The following MIIP variants were observed in gnomAD, a reference collection of about 807,000 sequenced individuals.
The protein encoded by MIIP is migration and invasion inhibitory protein.
MIIP carries 44 observed loss-of-function variants against 44.8 expected under a neutral mutation model. That is an observed-to-expected ratio of 0.98 (90% CI 0.77 to 1.26). The LOEUF is 1.26. MIIP is among the 50% of genes most tolerant of loss of function. The pLI, the probability that MIIP is intolerant of heterozygous loss-of-function variation, is 0.00. For synonymous variants in MIIP, 225 were observed against 218.3 expected (o/e 1.03, Z -0.27); for missense variants, 496 against 511.7 (o/e 0.97, Z 0.30).
intron 9 of MIIP, 109 bp downstream of exon 9, chr1:12,031,512 G>C: frequency 3.8e-6 from 6 of 1,560,162 alleles, no homozygotes; most frequent in Non-Finnish European, 5.2e-6. Context: ...GAGGTGGGGA[G>C]GATGGAGCCT....
rs1420891841 is a variant in MIIP at position 12,031,831 on chromosome 1, A to T, written c.*23A>T. On this transcript the variant is annotated 3_prime_UTR_variant, in exon 10 of 10. Transcript: ENST00000235332. Reference sequence around the variant, plus strand: ...TGAGGACTGACTCCTGGGGGAGAACAGCATTCCCGCCGCCTCCAGCCTCTC... The same window carrying T: ...TGAGGACTGACTCCTGGGGGAGAACTGCATTCCCGCCGCCTCCAGCCTCTC... 1 of 1,607,146 alleles carries T rather than the reference A, an allele frequency of 6.2e-7. No individual in the cohort carries two copies. Among genetic ancestry groups the T allele is most frequent in the Non-Finnish European group, 8.5e-7 (1 of 1,174,620 alleles).
chr1:12,027,586 C>G (rs891703424), intron 4 of MIIP, among the ~76,000 whole-genome samples: 1 of 152,146 alleles, frequency 6.6e-6, no homozygotes, highest in Non-Finnish European at 1.5e-5. Flanking sequence ...ACCCCTAGGC[C>G]TGGGACTCGG....
Position 12,029,127 on chromosome 1 carries a change from C to A in MIIP, c.642C>A (p.Ile214=). The A allele has an allele frequency of 6.2e-7, 1 of 1,614,072 alleles. No homozygotes were observed. The highest frequency in any genetic ancestry group is 8.5e-7 in the Non-Finnish European group (1 of 1,179,926). ...EFRETNKEEC[I]CSHPEPQLPG... ...GGGAAACCAACAAGGAGGAGTGTAT[C>A]TGCAGCCATCCTGAGTGAGCAGGGG... Residue 214 remains isoleucine (I), a synonymous_variant, in exon 5 of 10, where the codon ATC becomes ATA. Transcript: ENST00000235332.
intron 1 of MIIP, among the ~76,000 whole-genome samples, chr1:12,020,750 C>T (rs1028951393): frequency 6.6e-6 from 1 of 152,238 alleles, no homozygotes; most frequent in Non-Finnish European, 1.5e-5. Context: ...ATGGTGCGAT[C>T]TCGGCTCACC....
chr1:12,021,650 A>G lies in MIIP; in HGVS notation c.-77A>G. Reference sequence around the variant, plus strand: ...TCCTGCTGTCTTGACTTCAGGTAGAAGAGCTGGGCCTGGAACCCAGCCCTG... The same window carrying G: ...TCCTGCTGTCTTGACTTCAGGTAGAGGAGCTGGGCCTGGAACCCAGCCCTG... On this transcript the variant is annotated 5_prime_UTR_variant, in exon 2 of 10. Transcript: ENST00000235332. The G allele has an allele frequency of 7.6e-7, 1 of 1,318,502 alleles. No individual in the cohort carries two copies. Among genetic ancestry groups the G allele is most frequent in the Non-Finnish European group, 1.1e-6 (1 of 934,248 alleles). The allele number at this position is 1,318,502 out of a possible 1,614,324, so 81.7% of individuals were successfully genotyped here. A position where few individuals can be genotyped will look rare whatever the true frequency, so the allele number is the denominator to read the frequency against.
At chr1:12,028,778 A>T in intron 4 of MIIP, 1 of 514,300 alleles carries the variant, frequency 1.9e-6, no homozygotes, top group Non-Finnish European at 3.5e-6. Context: ...ATGAAACAGC[A>T]TCTAGCCCTG....
Position 12,020,729 on chromosome 1 carries a change from G to T in MIIP, c.-82-916G>T, listed in dbSNP as rs544657681. Among the ~76,000 whole-genome samples, 10 of 152,214 alleles carry T rather than the reference G, an allele frequency of 6.6e-5. 1 individual carries two copies. The South Asian group carries it at 2.1e-3, about 32-fold the overall frequency. On this transcript the variant is annotated intron_variant, in intron 1 of 9. Transcript: ENST00000235332. The stretch of plus-strand genomic sequence containing the variant: ...GACGGAGTCTCACCCTGTCGCCCAG[G>T]CTGGAGCGCAATGGTGCGATCTCGG...
intron 2 of MIIP, 77 bp downstream of exon 2, chr1:12,021,917 C>T (rs1447664157): frequency 4.5e-6 from 6 of 1,332,130 alleles, no homozygotes; most frequent in Non-Finnish European, 5.1e-6. Flanking sequence ...CTGGGCTCAT[C>T]TTGTTCAATA....
intron 4 of MIIP, among the ~76,000 whole-genome samples, chr1:12,026,773 C>T (rs1414813998): frequency 6.6e-6 from 1 of 152,194 alleles, no homozygotes; most frequent in Non-Finnish European, 1.5e-5. Flanking sequence ...CCATGGTGCC[C>T]ATTCACAGAT....
chr1:12,030,170 T>C (rs2100908300), intron 8 of MIIP, 46 bp downstream of exon 8: 1 of 1,574,102 alleles, frequency 6.4e-7, no homozygotes, highest in East Asian at 2.2e-5. Flanking sequence ...CGGGGCTGGC[T>C]CAGACTGGCC....
At chr1:12,023,419 T>TATTTATTTATTG (rs1557549863) in intron 4 of MIIP, among the ~76,000 whole-genome samples, 1 of 147,982 alleles carries the variant, frequency 6.8e-6, no homozygotes, top group Admixed American at 6.7e-5. Flanking sequence ...TTTATTTATT[T>TATTTATTTATTG]TTGAGATAGT....
At chr1:12,031,638 G>T (rs1640245050) in intron 9 of MIIP, 84 bp from the exon 10 acceptor site, 3 of 1,613,342 alleles carry the variant, frequency 1.9e-6, no homozygotes, top group Admixed American at 1.7e-5. Flanking sequence ...CTGACTGCAA[G>T]ATCCAGGAGG....
rs1457109200 is a variant in MIIP, at chr1:12,030,019, C to A, written c.846-9C>A. On this transcript the variant is annotated splice_polypyrimidine_tract_variant and intron_variant, in intron 7 of 9. Coordinates refer to ENST00000235332, the MANE Select transcript of MIIP (RefSeq NM_021933.4). ...CTCCTCAGGGGTCCCCCACTGCCCC[C>A]CTGCGCAGGGTGAGCATCCCGCTGT... 3.1e-6 allele frequency: 5 copies of A among 1,613,140 alleles called. No homozygotes were observed. The highest frequency in any genetic ancestry group is 4.2e-6 in the Non-Finnish European group (5 of 1,179,626).
Position 12,030,889 on chromosome 1 carries a change from A to T in MIIP, c.943-377A>T, listed in dbSNP as rs144889243. On this transcript the variant is annotated intron_variant, in intron 8 of 9. Coordinates refer to ENST00000235332, the MANE Select transcript of MIIP (RefSeq NM_021933.4). ...CAGCTGGGGTCAGAGGAGGAGAAGG[A>T]TGCAGAGGAAAGTCAGTTTGCTGGT... Among the ~76,000 whole-genome samples the T allele has an allele frequency of 1.6e-3, 246 of 152,208 alleles. 6 individuals carry two copies. In the East Asian group the frequency reaches 0.041, roughly 25 times the overall value.
chr1:12,023,018 C>T, intron 4 of MIIP, 101 bp downstream of exon 4: 1 of 801,754 alleles, frequency 1.2e-6, no homozygotes. Context: ...GGTGCTGTTG[C>T]TTGTTTCTCT....
At chr1:12,022,043 G>T in intron 2 of MIIP, 52 bp from the exon 3 acceptor site, 1 of 1,572,242 alleles carries the variant, frequency 6.4e-7, no homozygotes, top group South Asian at 1.2e-5. Flanking sequence ...GCGTAGGCCC[G>T]GTGGGTAGGT....
chr1:12,022,765 C>A (rs1157842595), intron 3 of MIIP, 68 bp from the exon 4 acceptor site: 27 of 1,241,650 alleles, frequency 2.2e-5, no homozygotes, highest in Non-Finnish European at 2.9e-5. Context: ...CTCTGTCCCT[C>A]GAATTGCGGC....
At chr1:12,025,812 C>T (rs1640093955) in intron 4 of MIIP, among the ~76,000 whole-genome samples, 1 of 152,096 alleles carries the variant, frequency 6.6e-6, no homozygotes, top group Non-Finnish European at 1.5e-5. Context: ...GCAATTCTTC[C>T]TCAGCCTCCC....
At chr1:12,021,405 A>C (rs888793539) in intron 1 of MIIP, among the ~76,000 whole-genome samples, 9 of 151,930 alleles carry the variant, frequency 5.9e-5, no homozygotes, top group Admixed American at 5.2e-4. Flanking sequence ...AAAAAAAAAA[A>C]CAAAAAAACA....
Sources: allele counts gnomAD v4.1 joint callset (sites outside exome capture counted in the v4.1 genomes callset), GRCh38; gene constraint gnomAD v4.1.1; transcripts MANE v1.5; gene names NCBI Gene and HGNC (gene_info 2026-07-23, HGNC 2026-07-21).